Variants in ATP8A1 observed in about 807,000 individuals in gnomAD.
ATP8A1 encodes phospholipid-transporting ATPase IA.
ATP8A1 carries 90 observed loss-of-function variants against 177.7 expected under a neutral mutation model. The ratio of observed to expected loss-of-function variants is 0.51; its 90% confidence interval spans 0.43 to 0.60. The LOEUF is 0.60. Among genes scored for constraint, ATP8A1 ranks in the 20% least tolerant of loss-of-function variants. ATP8A1 has a pLI of 0.00. For missense variants in ATP8A1, 1,072 were observed against 1,392.8 expected (o/e 0.77, Z 3.67); for synonymous variants, 493 against 485.9 (o/e 1.01, Z -0.19).
At chr4:42,576,159 T>A (rs1379803192) in intron 12 of ATP8A1, among the ~76,000 whole-genome samples, 1 of 152,080 alleles carries the variant, frequency 6.6e-6, no homozygotes, top group Admixed American at 6.6e-5. Flanking sequence ...TTTTACTTTC[T>A]GGGCCAAGAA....
chr4:42,439,265 C>A (rs1352528023), intron 33 of ATP8A1, among the ~76,000 whole-genome samples: 2 of 152,176 alleles, frequency 1.3e-5, no homozygotes, highest in African/African-American at 4.8e-5. Context: ...AACTCAGAGG[C>A]ATAGAATGTA....
chr4:42,496,583 G>A (rs1723292163), intron 24 of ATP8A1, among the ~76,000 whole-genome samples: 1 of 152,062 alleles, frequency 6.6e-6, no homozygotes, highest in Non-Finnish European at 1.5e-5. Flanking sequence ...GGGCCTGTGA[G>A]AAATTGTTAC....
At chr4:42,524,895 T>TTA in intron 20 of ATP8A1, 48 bp from the exon 21 acceptor site, 4 of 1,284,700 alleles carry the variant, frequency 3.1e-6, no homozygotes, top group Non-Finnish European at 4.4e-6. Flanking sequence ...CATTCTGGGT[T>TTA]TAATAAAGTT....
intron 20 of ATP8A1, among the ~76,000 whole-genome samples, chr4:42,533,126 A>G (rs573202347): frequency 1.2e-4 from 18 of 152,342 alleles, no homozygotes; most frequent in Non-Finnish European, 2.4e-4. Context: ...CCACATGAAC[A>G]TATCAGGAAA....
chr4:42,511,234 C>T (rs1724971737), intron 22 of ATP8A1, among the ~76,000 whole-genome samples: 1 of 152,082 alleles, frequency 6.6e-6, no homozygotes, highest in African/African-American at 2.4e-5. Flanking sequence ...ATATTGTTAG[C>T]TATATAATGA....
intron 1 of ATP8A1, among the ~76,000 whole-genome samples, chr4:42,652,902 G>A (rs1741244240): frequency 1.4e-5 from 2 of 145,192 alleles, no homozygotes; most frequent in Non-Finnish European, 3.1e-5. Flanking sequence ...GCCTAAGAGC[G>A]GACTAACACA....
At chr4:42,535,504 C>T (rs2153203063) in intron 20 of ATP8A1, among the ~76,000 whole-genome samples, 1 of 152,178 alleles carries the variant, frequency 6.6e-6, no homozygotes, top group Non-Finnish European at 1.5e-5. Flanking sequence ...GACAGCAGCA[C>T]AATAATAGTG....
rs78903506 is a variant in ATP8A1, at chr4:42,465,163, G to A, written c.2325-87C>T. The A allele has an allele frequency of 1.3e-3, 1,517 of 1,174,398 alleles. 13 individuals carry two copies. In the African/African-American group the frequency reaches 0.02, roughly 15 times the overall value. 72.7% of individuals were successfully genotyped at this position (1,174,398 alleles called of 1,614,324 possible). On this transcript the variant is annotated intron_variant, in intron 25 of 36. Transcript: ENST00000381668. ...GTGTTGAAGGATAAAAGATGCAAAAGACCTAAATGAATAGTTCTCTGAAGA... is the reference window on the plus strand; with the variant it reads ...GTGTTGAAGGATAAAAGATGCAAAAAACCTAAATGAATAGTTCTCTGAAGA...
In ATP8A1 at chr4:42,446,730, G is replaced by A. The variant is rs1717300167; in HGVS notation, c.2897-86C>T. 6 of 1,266,280 alleles carry A rather than the reference G, an allele frequency of 4.7e-6. No individual in the cohort carries two copies. The South Asian group carries it at 7.6e-5, about 16-fold the overall frequency. 78.4% of individuals were successfully genotyped at this position (1,266,280 alleles called of 1,614,324 possible). A position where few individuals can be genotyped will look rare whatever the true frequency, so the allele number is the denominator to read the frequency against. The stretch of plus-strand genomic sequence containing the variant: ...AGATATTCAGAAAGTTTGAACGAAG[G>A]AAGGGAAATCAAGGGATACACAATG... On this transcript the variant is annotated intron_variant, in intron 30 of 36. Coordinates refer to ENST00000381668, the MANE Select transcript of ATP8A1 (RefSeq NM_006095.2).
chr4:42,509,446 G>A (rs564672393), intron 22 of ATP8A1, among the ~76,000 whole-genome samples: 8 of 152,322 alleles, frequency 5.3e-5, no homozygotes, highest in South Asian at 2.1e-4. Context: ...GGATGGGCAC[G>A]CACATGCATA....
chr4:42,417,715 A>G (rs4397031), intron 35 of ATP8A1, among the ~76,000 whole-genome samples: 19,056 of 152,264 alleles, frequency 0.13, 1,299 homozygotes, highest in Middle Eastern at 0.18. Flanking sequence ...CTACATATTG[A>G]GTTGATAAGC....
chr4:42,603,934 A>T (rs1560508982), intron 5 of ATP8A1, among the ~76,000 whole-genome samples: 2 of 152,068 alleles, frequency 1.3e-5, no homozygotes, highest in Non-Finnish European at 1.5e-5. Context: ...CTTGCTCAGA[A>T]CTCTTCAGTT....
At chr4:42,597,326 A>T (rs1308192237) in intron 6 of ATP8A1, among the ~76,000 whole-genome samples, 1 of 152,242 alleles carries the variant, frequency 6.6e-6, no homozygotes, top group Admixed American at 6.5e-5. Context: ...GACTTGCCTC[A>T]AAATCTTGTT....
chr4:42,507,780 TAAAAA>T, intron 22 of ATP8A1, among the ~76,000 whole-genome samples: 2 of 17,700 alleles, frequency 1.1e-4, no homozygotes, highest in South Asian at 5.0e-3. Context: ...ACAGGCATTC[TAAAAA>T]AAAAAAAAAA....
intron 1 of ATP8A1, among the ~76,000 whole-genome samples, chr4:42,644,627 A>G (rs1195337941): frequency 6.6e-6 from 1 of 152,140 alleles, no homozygotes; most frequent in East Asian, 1.9e-4. Flanking sequence ...TGTTTTTCTA[A>G]TCCCCAGAGC....
chr4:42,543,880 T>A, intron 20 of ATP8A1, 37 bp downstream of exon 20: 1 of 1,462,292 alleles, frequency 6.8e-7, no homozygotes, highest in African/African-American at 1.4e-5. Flanking sequence ...TAAACCATCA[T>A]AAATTATAAC....
chr4:42,598,363 T>C (rs1734925612), intron 6 of ATP8A1, among the ~76,000 whole-genome samples: 1 of 152,154 alleles, frequency 6.6e-6, no homozygotes, highest in Non-Finnish European at 1.5e-5. Context: ...TATTCTATAC[T>C]ACTTAAATCT....
intron 33 of ATP8A1, among the ~76,000 whole-genome samples, chr4:42,434,581 A>G (rs942251601): frequency 2.0e-5 from 3 of 152,118 alleles, no homozygotes; most frequent in African/African-American, 7.2e-5. Context: ...TCCTTTCTCT[A>G]TCTTCTTTAG....
At chr4:42,631,036 A>G (rs1004686078) in intron 1 of ATP8A1, among the ~76,000 whole-genome samples, 11 of 152,222 alleles carry the variant, frequency 7.2e-5, no homozygotes, top group African/African-American at 2.7e-4. Context: ...GTAAATGTCT[A>G]TTATACTTAA....
Sources: gnomAD v4.1 joint callset for allele counts (sites outside exome capture counted in the v4.1 genomes callset) on GRCh38, gnomAD v4.1.1 for gene constraint, MANE v1.5 for transcripts, NCBI Gene and HGNC (gene_info 2026-07-23, HGNC 2026-07-21) for gene names.